TMEM87B: variants seen among roughly 807,000 people sequenced by gnomAD.
The protein encoded by TMEM87B is transmembrane protein 87B.
TMEM87B carries 83 observed loss-of-function variants against 80.3 expected under a neutral mutation model. The observed-to-expected ratio is 1.03, with a 90% CI of 0.87 to 1.24. The LOEUF (loss-of-function observed/expected upper bound fraction) is 1.24, where lower values mean the gene tolerates loss of function less well. Ranked by LOEUF, TMEM87B falls within the 50% of genes most tolerant of loss-of-function variation. The pLI, the probability that TMEM87B is intolerant of heterozygous loss-of-function variation, is 0.00. For missense variants in TMEM87B, 625 were observed against 674.4 expected, an observed-to-expected ratio of 0.93 and a Z score of 0.81; for synonymous variants, 219 against 230.5, an observed-to-expected ratio of 0.95 and a Z score of 0.45.
At chr2:112,079,234 G>T (rs1678915111) in intron 6 of TMEM87B, among the ~76,000 whole-genome samples, 1 of 152,186 alleles carries the variant, frequency 6.6e-6, no homozygotes, top group South Asian at 2.1e-4. Context: ...CCTCCTGTGT[G>T]AGATTTTTTT....
Position 112,118,113 on chromosome 2 carries a change from A to C in TMEM87B, c.*1970A>C, listed in dbSNP as rs564167196. On this transcript the variant is annotated 3_prime_UTR_variant, in exon 19 of 19. Transcript: ENST00000283206. Reference sequence around the variant, plus strand: ...AGCAGAATTCCCTCCTAGTAACCTCATTACAAATACTGTTACTAGAAGGGC... The same window carrying C: ...AGCAGAATTCCCTCCTAGTAACCTCCTTACAAATACTGTTACTAGAAGGGC... 6.6e-6 allele frequency: 1 copy of C among 152,198 alleles called. No individual in the cohort carries two copies. The highest frequency in any genetic ancestry group is 1.5e-5 in the Non-Finnish European group (1 of 68,026). 9.4% of individuals were successfully genotyped at this position (152,198 alleles called of 1,614,324 possible). A position where few individuals can be genotyped will look rare whatever the true frequency, so the allele number is the denominator to read the frequency against.
In TMEM87B at chr2:112,097,229, T is replaced by G; in HGVS notation, c.1214-4T>G. ...CTTCAAAGGTGACTTTTTGTGTGTTTCAGCTTCTATAGTGTTTATGGGGTG... is the reference window on the plus strand; with the variant it reads ...CTTCAAAGGTGACTTTTTGTGTGTTGCAGCTTCTATAGTGTTTATGGGGTG... On this transcript the variant is annotated splice_region_variant and splice_polypyrimidine_tract_variant and intron_variant, in intron 12 of 18. Transcript: ENST00000283206. The G allele has an allele frequency of 6.2e-7, 1 of 1,608,454 alleles. No homozygotes were observed. Among genetic ancestry groups the G allele is most frequent in the South Asian group, 1.1e-5 (1 of 89,178 alleles).
At chr2:112,081,735 C>T (rs1679004790) in intron 8 of TMEM87B, among the ~76,000 whole-genome samples, 1 of 152,132 alleles carries the variant, frequency 6.6e-6, no homozygotes, top group South Asian at 2.1e-4. Context: ...TGCTAAATTT[C>T]CCCTCACTTT....
chr2:112,093,621 A>G (rs951724573), intron 11 of TMEM87B, among the ~76,000 whole-genome samples: 48 of 152,214 alleles, frequency 3.2e-4, no homozygotes, highest in African/African-American at 9.2e-4. Context: ...GAATAAAATT[A>G]TAGTTAAATA....
chr2:112,111,945 C>G (rs1679928426), intron 17 of TMEM87B, among the ~76,000 whole-genome samples: 1 of 152,208 alleles, frequency 6.6e-6, no homozygotes. Context: ...TAGCTCTAAA[C>G]AAGGTGCCAA....
rs1558847007 is a variant in TMEM87B, at chr2:112,098,649, A to T, written c.1327A>T (p.Ile443Phe). The change falls in exon 14 of 19, where the codon ATC (isoleucine) becomes TTC (phenylalanine). Residue 443 changes from isoleucine to phenylalanine, a missense_variant. By Grantham distance (21) the Ile-to-Phe change is conservative (BLOSUM62 0). Coordinates refer to ENST00000283206, the MANE Select transcript of TMEM87B (RefSeq NM_032824.3). Reference sequence around the variant, plus strand: ...ATTTTGGAGCTTCCTTTTTTCGCTTATCCTTATTGTAATCATGTTTTTGTG... The same window carrying T: ...ATTTTGGAGCTTCCTTTTTTCGCTTTTCCTTATTGTAATCATGTTTTTGTG... The part of the protein sequence containing the change: ...DAFWSFLFSL[I>F]LIVIMFLWRP... 6.2e-7 allele frequency: 1 copy of T among 1,614,126 alleles called. No individual in the cohort carries two copies. The highest frequency in any genetic ancestry group is 8.5e-7 in the Non-Finnish European group (1 of 1,180,016).
intron 11 of TMEM87B, among the ~76,000 whole-genome samples, chr2:112,091,996 T>C (rs1170692694): frequency 6.6e-6 from 1 of 152,214 alleles, no homozygotes; most frequent in Non-Finnish European, 1.5e-5. Context: ...TCATTCTCAG[T>C]ATGTGCCCCA....
chr2:112,091,280 T>C (rs898665172), intron 10 of TMEM87B, among the ~76,000 whole-genome samples: 1 of 151,904 alleles, frequency 6.6e-6, no homozygotes, highest in Non-Finnish European at 1.5e-5. Flanking sequence ...ACATCTTAGA[T>C]AGTGACTTTT....
intron 2 of TMEM87B, 147 bp downstream of exon 2, chr2:112,060,184 A>T: frequency 1.1e-6 from 1 of 941,576 alleles, no homozygotes; most frequent in Non-Finnish European, 1.4e-6. Flanking sequence ...CGTCTCTACT[A>T]AAAATACAAA....
At chr2:112,105,905 TA>T in intron 15 of TMEM87B, 96 bp from the exon 16 acceptor site, 1 of 838,964 alleles carries the variant, frequency 1.2e-6, no homozygotes, top group South Asian at 2.8e-5. Context: ...CCTCCATTTC[TA>T]AAAAGATATA....
chr2:112,082,315 T>C (rs961210397), intron 8 of TMEM87B, among the ~76,000 whole-genome samples: 1 of 152,296 alleles, frequency 6.6e-6, no homozygotes, highest in South Asian at 2.1e-4. Context: ...TAGAGTGCAG[T>C]GGTGCGATTT....
intron 11 of TMEM87B, 108 bp downstream of exon 11, chr2:112,091,891 T>G (rs1224166940): frequency 1.2e-6 from 1 of 827,780 alleles, no homozygotes; most frequent in Admixed American, 2.9e-5. Flanking sequence ...TTTTGTTACC[T>G]TAATACGAGG....
At position 112,116,486 on chromosome 2, in the gene TMEM87B, G is replaced by GT; in HGVS notation, c.*349dup. 5.5e-6 allele frequency: 1 copy of GT among 181,162 alleles called. No individual in the cohort carries two copies. 11.2% of individuals were successfully genotyped at this position (181,162 alleles called of 1,614,324 possible). A position where few individuals can be genotyped will look rare whatever the true frequency, so the allele number is the denominator to read the frequency against. On this transcript the variant is annotated 3_prime_UTR_variant, in exon 19 of 19. Transcript: ENST00000283206. ...TGACAATTCCAGATTAAAGAAAAATGTTTTTTAATAAATACCCTTGGTCTT... is the reference window on the plus strand; with the variant it reads ...TGACAATTCCAGATTAAAGAAAAATGTTTTTTTAATAAATACCCTTGGTCTT...
chr2:112,061,427 G>A (rs1393550821), intron 2 of TMEM87B, among the ~76,000 whole-genome samples: 1 of 152,008 alleles, frequency 6.6e-6, no homozygotes, highest in African/African-American at 2.4e-5. Context: ...TCCTTTTATG[G>A]GTCTTTCCTG....
chr2:112,108,183 T>C (rs1679823536), intron 17 of TMEM87B, among the ~76,000 whole-genome samples: 1 of 152,172 alleles, frequency 6.6e-6, no homozygotes, highest in African/African-American at 2.4e-5. Flanking sequence ...CCATGTATTG[T>C]GAGGAGGCTT....
At chr2:112,067,583 A>C (rs1428563765) in intron 4 of TMEM87B, among the ~76,000 whole-genome samples, 1 of 152,252 alleles carries the variant, frequency 6.6e-6, no homozygotes, top group East Asian at 1.9e-4. Flanking sequence ...TGGGCGACAG[A>C]GCGAGACTCC....
At chr2:112,110,018 G>A (rs1679871501) in intron 17 of TMEM87B, among the ~76,000 whole-genome samples, 1 of 151,964 alleles carries the variant, frequency 6.6e-6, no homozygotes, top group Non-Finnish European at 1.5e-5. Context: ...CATCTGCCTC[G>A]GCCTTCCAAA....
intron 16 of TMEM87B, among the ~76,000 whole-genome samples, 199 bp downstream of exon 16, chr2:112,106,274 A>T (rs1035698609): frequency 2.0e-5 from 3 of 152,166 alleles, no homozygotes; most frequent in East Asian, 1.9e-4. Flanking sequence ...TTCATTGTAG[A>T]TCTCACTTCT....
intron 2 of TMEM87B, among the ~76,000 whole-genome samples, chr2:112,061,869 G>A (rs976220288): frequency 2.6e-5 from 4 of 152,180 alleles, no homozygotes; most frequent in African/African-American, 9.7e-5. Context: ...AGCATTGTTG[G>A]GGGAGAGGTT....
Sources: allele counts gnomAD v4.1 joint callset (sites outside exome capture counted in the v4.1 genomes callset), GRCh38; gene constraint gnomAD v4.1.1; transcripts MANE v1.5; gene names NCBI Gene and HGNC (gene_info 2026-07-23, HGNC 2026-07-21).